Variants in SEPTIN11 observed in about 807,000 individuals in gnomAD.
SEPTIN11 encodes the protein septin 11.
In SEPTIN11, 25 loss-of-function variants were observed where a neutral mutation model predicts 51.4. The ratio of observed to expected loss-of-function variants is 0.49; its 90% CI spans 0.35 to 0.68. The LOEUF is 0.68. SEPTIN11 is among the 30% of genes least tolerant of loss of function. The probability of loss-of-function intolerance (pLI) is 0.00; values close to 1 mark genes in which losing one functional copy is unlikely to be tolerated. For synonymous variants in SEPTIN11, 174 were observed against 184.1 expected, an observed-to-expected ratio of 0.95 and a Z score of 0.44; for missense variants, 381 against 520.8, an observed-to-expected ratio of 0.73 and a Z score of 2.61.
At chr4:77,011,700 T>A in intron 3 of SEPTIN11, 35 bp from the exon 4 acceptor site, 3 of 1,596,838 alleles carry the variant, frequency 1.9e-6, no homozygotes, top group Non-Finnish European at 2.6e-6. Context: ...GTGAAAGAGG[T>A]TTGAGACTAG....
At chr4:76,994,369 G>T (rs1433379372) in intron 1 of SEPTIN11, among the ~76,000 whole-genome samples, 1 of 152,218 alleles carries the variant, frequency 6.6e-6, no homozygotes, top group East Asian at 1.9e-4. Context: ...AGAGGAAGGG[G>T]CAGGTACAAG....
At chr4:76,989,024 G>A (rs1420543084) in intron 1 of SEPTIN11, among the ~76,000 whole-genome samples, 1 of 152,180 alleles carries the variant, frequency 6.6e-6, no homozygotes, top group East Asian at 1.9e-4. Flanking sequence ...CAAAATGACG[G>A]AATTGGATTT....
Position 77,034,539 on chromosome 4 carries a change from C to T in SEPTIN11, c.*27C>T. Reference sequence around the variant, plus strand: ...GCCTGGCAAGCCAAGGATGTTCCCGCATTCACCTGCTTTTGCAGTAATATC... The same window carrying T: ...GCCTGGCAAGCCAAGGATGTTCCCGTATTCACCTGCTTTTGCAGTAATATC... On this transcript the variant is annotated 3_prime_UTR_variant, in exon 10 of 10. Coordinates refer to ENST00000264893, the MANE Select transcript of SEPTIN11 (RefSeq NM_018243.4). 6.4e-7 allele frequency: 1 copy of T among 1,551,342 alleles called. No homozygotes were observed. The highest frequency in any genetic ancestry group is 8.7e-7 in the Non-Finnish European group (1 of 1,153,804).
At chr4:76,999,871 C>T (rs1480090038) in intron 2 of SEPTIN11, among the ~76,000 whole-genome samples, 3 of 152,176 alleles carry the variant, frequency 2.0e-5, no homozygotes, top group Admixed American at 6.5e-5. Context: ...TGTTTTGCTA[C>T]AACACACCTA....
At chr4:77,016,633 C>CATATATAGATATATATATAT (rs1725289673) in intron 5 of SEPTIN11, among the ~76,000 whole-genome samples, 1 of 72,746 alleles carries the variant, frequency 1.4e-5, no homozygotes, top group African/African-American at 5.2e-5. Flanking sequence ...TATATATACA[C>CATATATAGATATATATATAT]ATATATATAT....
intron 1 of SEPTIN11, among the ~76,000 whole-genome samples, chr4:76,992,725 A>T (rs1326686580): frequency 6.6e-6 from 1 of 152,204 alleles, no homozygotes; most frequent in Non-Finnish European, 1.5e-5. Flanking sequence ...TGTTTGGTGA[A>T]ATTTTCCCCA....
intron 1 of SEPTIN11, among the ~76,000 whole-genome samples, chr4:76,976,566 T>A (rs896047125): frequency 1.3e-5 from 2 of 152,230 alleles, no homozygotes; most frequent in African/African-American, 4.8e-5. Context: ...TTTTGTGGTA[T>A]CTAAACAATC....
At chr4:77,002,996 A>G (rs1210550823) in intron 2 of SEPTIN11, among the ~76,000 whole-genome samples, 1 of 152,112 alleles carries the variant, frequency 6.6e-6, no homozygotes. Flanking sequence ...TACCCCATCT[A>G]TCTGCTCTTT....
In SEPTIN11 at chr4:77,035,518, T is replaced by A. The variant is rs916132552; in HGVS notation, c.*1006T>A. On this transcript the variant is annotated 3_prime_UTR_variant, in exon 10 of 10. Coordinates refer to ENST00000264893, the MANE Select transcript of SEPTIN11 (RefSeq NM_018243.4). ...CTCTGTATCATTGGTAGCACAAATTTGAGCGAGGCCTTGTCAATTTTAAGG... is the reference window on the plus strand; with the variant it reads ...CTCTGTATCATTGGTAGCACAAATTAGAGCGAGGCCTTGTCAATTTTAAGG... The A allele has an allele frequency of 6.1e-6, 6 of 985,444 alleles. No homozygotes were observed. Among genetic ancestry groups the A allele is most frequent in the Non-Finnish European group, 7.2e-6 (6 of 829,926 alleles). 61.0% of individuals were successfully genotyped at this position (985,444 alleles called of 1,614,324 possible).
At chr4:76,964,680 A>G (rs1321289743) in intron 1 of SEPTIN11, among the ~76,000 whole-genome samples, 1 of 152,236 alleles carries the variant, frequency 6.6e-6, no homozygotes, top group African/African-American at 2.4e-5. Flanking sequence ...CATCATCATC[A>G]AAAAGCCAAG....
rs1166652649 is a variant in SEPTIN11 at position 76,998,613 on chromosome 4, C to A, written c.142+2074C>A. Among the ~76,000 whole-genome samples, 7 of 152,292 alleles carry A rather than the reference C, an allele frequency of 4.6e-5. No individual in the cohort carries two copies. The East Asian group carries it at 9.6e-4, about 21-fold the overall frequency. ...CTTAAACCCAGTTAAGACTCTCCCCCACCCTCCAACACACACTGAAAAGCT... is the reference window on the plus strand; with the variant it reads ...CTTAAACCCAGTTAAGACTCTCCCCAACCCTCCAACACACACTGAAAAGCT... On this transcript the variant is annotated intron_variant, in intron 2 of 9. Transcript: ENST00000264893.
intron 1 of SEPTIN11, among the ~76,000 whole-genome samples, chr4:76,971,421 T>A (rs1263855218): frequency 6.6e-6 from 1 of 152,080 alleles, no homozygotes; most frequent in African/African-American, 2.4e-5. Flanking sequence ...TGCTTTTTTT[T>A]ATATTAATTA....
chr4:76,998,425 C>T lies in SEPTIN11; in HGVS notation c.142+1886C>T, dbSNP rs531281709. On this transcript the variant is annotated intron_variant, in intron 2 of 9. Transcript: ENST00000264893. ...TGGGTCCGCAGGGCTGCATTCCTTC[C>T]TGGAACCTTTAGGGAGAGTGCGCGC... Among the ~76,000 whole-genome samples the T allele has an allele frequency of 1.2e-4, 18 of 152,266 alleles. No individual in the cohort carries two copies. In the East Asian group the frequency reaches 3.3e-3, roughly 28 times the overall value.
At chr4:76,962,851 C>T (rs1049622236) in intron 1 of SEPTIN11, among the ~76,000 whole-genome samples, 1 of 152,008 alleles carries the variant, frequency 6.6e-6, no homozygotes, top group African/African-American at 2.4e-5. Context: ...ACTCACATAC[C>T]CCACATGGGA....
chr4:76,951,279 C>G (rs1360521561), intron 1 of SEPTIN11, among the ~76,000 whole-genome samples: 1 of 152,202 alleles, frequency 6.6e-6, no homozygotes, highest in Non-Finnish European at 1.5e-5. Flanking sequence ...CTTTCAAAGA[C>G]GTTTTCTGCA....
In SEPTIN11 at chr4:77,034,801, G is replaced by C. The variant is rs1367912997; in HGVS notation, c.*289G>C. 1 of 1,116,682 alleles carries C rather than the reference G, an allele frequency of 9.0e-7. No homozygotes were observed. The highest frequency in any genetic ancestry group is 1.1e-6 in the Non-Finnish European group (1 of 914,978). 69.2% of individuals were successfully genotyped at this position (1,116,682 alleles called of 1,614,324 possible). On this transcript the variant is annotated 3_prime_UTR_variant, in exon 10 of 10. Transcript: ENST00000264893. ...GCAGCACGAAGCAGGCCTGTTACTT[G>C]TATGTCGCTTTGGACAGAGGAAAGT...
chr4:77,002,485 G>T (rs2703102), intron 2 of SEPTIN11, among the ~76,000 whole-genome samples: 4 of 151,992 alleles, frequency 2.6e-5, no homozygotes, highest in South Asian at 2.1e-4. Flanking sequence ...AACTTTTATA[G>T]GGCAGATCTG....
At chr4:77,020,865 C>G (rs1157956927) in intron 7 of SEPTIN11, 195 bp downstream of exon 7, 3 of 560,854 alleles carry the variant, frequency 5.3e-6, no homozygotes, top group Non-Finnish European at 9.3e-6. Flanking sequence ...TAGTTGATGT[C>G]ATTATTATCC....
At chr4:76,952,886 T>G (rs1721404550) in intron 1 of SEPTIN11, among the ~76,000 whole-genome samples, 1 of 152,226 alleles carries the variant, frequency 6.6e-6, no homozygotes, top group African/African-American at 2.4e-5. Flanking sequence ...GCTATTATCT[T>G]TATTTTAAAC....
Sources: allele counts gnomAD v4.1 joint callset (sites outside exome capture counted in the v4.1 genomes callset), GRCh38; gene constraint gnomAD v4.1.1; transcripts MANE v1.5; gene names NCBI Gene and HGNC (gene_info 2026-07-23, HGNC 2026-07-21).